RARB: variants seen among roughly 807,000 people sequenced by gnomAD.
RARB encodes HBV-activated protein.
A neutral mutation model predicts 51.9 loss-of-function variants in RARB; 17 were observed. The ratio of observed to expected loss-of-function variants is 0.33; its 90% confidence interval spans 0.22 to 0.49. The LOEUF is 0.49. RARB is among the 20% of genes least tolerant of loss of function. The pLI, the probability that RARB is intolerant of heterozygous loss-of-function variation, is 0.99. For synonymous variants in RARB, 215 were observed against 195.4 expected (o/e 1.10, Z -0.84); for missense variants, 369 against 550.8 (o/e 0.67, Z 3.30).
intron 2 of RARB, among the ~76,000 whole-genome samples, chr3:24,905,320 A>G (rs573702297): frequency 1.4e-4 from 22 of 152,124 alleles, no homozygotes; most frequent in African/African-American, 3.9e-4. Context: ...ATCCAATTCT[A>G]TGTCTTCTTG....
intron 2 of RARB, among the ~76,000 whole-genome samples, chr3:24,876,822 T>C (rs751698898): frequency 1.8e-4 from 27 of 152,182 alleles, no homozygotes; most frequent in Non-Finnish European, 3.5e-4. Flanking sequence ...AAACAGAGTT[T>C]AGATAGTGGC....
At position 25,220,939 on chromosome 3, in the gene RARB, A is replaced by C. The variant is rs73149220; in HGVS notation, c.178+46364A>C. On this transcript the variant is annotated intron_variant, in intron 5 of 11. Transcript: ENST00000383772. ...AAGTCAAGTGAGATGAACAAATAGC[A>C]CTTGCAAAAGTGTAAAGCAATGGAT... Among the ~76,000 whole-genome samples, 1,057 of 152,254 alleles carry C rather than the reference A, an allele frequency of 6.9e-3. 13 individuals carry two copies. The highest frequency in any genetic ancestry group is 0.024 in the African/African-American group (1,005 of 41,528).
intron 2 of RARB, among the ~76,000 whole-genome samples, chr3:25,052,962 C>T (rs1279081290): frequency 6.6e-6 from 1 of 152,026 alleles, no homozygotes; most frequent in Non-Finnish European, 1.5e-5. Context: ...GATTGTCCTT[C>T]CTCTAGGTTA....
intron 5 of RARB, among the ~76,000 whole-genome samples, chr3:25,292,515 T>C (rs756974380): frequency 4.6e-5 from 7 of 152,186 alleles, no homozygotes; most frequent in Non-Finnish European, 1.0e-4. Context: ...CAAACCTTTG[T>C]AGTTTTTGTT....
chr3:25,453,150 T>C (rs1180278586), intron 1 of RARB, among the ~76,000 whole-genome samples: 1 of 151,736 alleles, frequency 6.6e-6, no homozygotes, highest in Non-Finnish European at 1.5e-5. Context: ...TATGTTAGGG[T>C]GTCTCAGACA....
chr3:24,850,266 A>G (rs1559371011), intron 1 of RARB, among the ~76,000 whole-genome samples: 1 of 152,140 alleles, frequency 6.6e-6, no homozygotes, highest in African/African-American at 2.4e-5. Context: ...ACAGTCACCC[A>G]TTTACTCATG....
intron 2 of RARB, among the ~76,000 whole-genome samples, chr3:25,494,192 T>C (rs541073589): frequency 7.8e-5 from 11 of 141,618 alleles, no homozygotes; most frequent in Non-Finnish European, 1.4e-4. Flanking sequence ...GTAAACACTT[T>C]GCATGGCTTT....
At chr3:25,125,643 C>A (rs577719652) in intron 3 of RARB, among the ~76,000 whole-genome samples, 2 of 152,264 alleles carry the variant, frequency 1.3e-5, no homozygotes, top group Non-Finnish European at 2.9e-5. Flanking sequence ...GGGATTAAAT[C>A]TCCATAATCA....
intron 3 of RARB, among the ~76,000 whole-genome samples, chr3:25,097,415 T>C (rs181966295): frequency 1.6e-4 from 25 of 152,336 alleles, no homozygotes; most frequent in Admixed American, 1.6e-3. Context: ...AGTAGTAATA[T>C]AATTTCATCA....
At chr3:25,439,718 T>A (rs1338715452) in intron 1 of RARB, among the ~76,000 whole-genome samples, 1 of 152,206 alleles carries the variant, frequency 6.6e-6, no homozygotes, top group Non-Finnish European at 1.5e-5. Context: ...TTAAATGGAA[T>A]GTATTCTGTA....
chr3:25,238,997 T>C (rs1396683553), intron 5 of RARB, among the ~76,000 whole-genome samples: 1 of 152,128 alleles, frequency 6.6e-6, no homozygotes, highest in Non-Finnish European at 1.5e-5. Flanking sequence ...ACAATAGCCA[T>C]GATAACTGGG....
At chr3:25,100,017 A>G (rs560119963) in intron 3 of RARB, among the ~76,000 whole-genome samples, 5 of 152,184 alleles carry the variant, frequency 3.3e-5, no homozygotes, top group Non-Finnish European at 7.3e-5. Context: ...AAACAAAAGC[A>G]ATATCTGCTT....
At chr3:24,921,432 C>T (rs531266035) in intron 2 of RARB, among the ~76,000 whole-genome samples, 19 of 152,222 alleles carry the variant, frequency 1.2e-4, no homozygotes, top group Admixed American at 1.0e-3. Flanking sequence ...AACTCTGGAG[C>T]ACATTTTTTG....
At chr3:25,104,235 C>G (rs1266640960) in intron 3 of RARB, among the ~76,000 whole-genome samples, 1 of 152,206 alleles carries the variant, frequency 6.6e-6, no homozygotes. Flanking sequence ...CAAGTTTTCA[C>G]AAGGCTGTGG....
intron 4 of RARB, among the ~76,000 whole-genome samples, chr3:25,146,340 A>G (rs1373318041): frequency 2.6e-5 from 4 of 152,186 alleles, no homozygotes; most frequent in African/African-American, 4.8e-5. Context: ...ACCACATATC[A>G]TCTTGGCCAC....
Position 24,953,190 on chromosome 3 carries a change from C to A in RARB, c.-380+94438C>A, listed in dbSNP as rs149373927. ...TTGAATGTGAAGTGGTATTATGCAT[C>A]TCTTTCATTTAAATAACCTAAAATG... On this transcript the variant is annotated intron_variant, in intron 2 of 11. Coordinates refer to the RARB transcript ENST00000383772. 3.4e-4 allele frequency among the ~76,000 whole-genome samples: 51 copies of A among 152,188 alleles called. No homozygotes were observed. In the East Asian group the frequency reaches 9.9e-3, roughly 29 times the overall value.
intron 5 of RARB, among the ~76,000 whole-genome samples, chr3:25,408,270 T>C (rs936644518): frequency 6.6e-6 from 1 of 152,150 alleles, no homozygotes; most frequent in African/African-American, 2.4e-5. Flanking sequence ...GGGTAATTTA[T>C]ACAGAAAAGA....
At chr3:24,847,857 C>G (rs540199892) in intron 1 of RARB, among the ~76,000 whole-genome samples, 82 of 152,312 alleles carry the variant, frequency 5.4e-4, no homozygotes, top group African/African-American at 1.9e-3. Context: ...GTGGACCATA[C>G]TTTGAGTAGC....
intron 2 of RARB, among the ~76,000 whole-genome samples, chr3:24,868,495 G>C (rs751470700): frequency 2.0e-5 from 3 of 152,014 alleles, no homozygotes; most frequent in Admixed American, 6.6e-5. Flanking sequence ...AAATGTTAAG[G>C]CTCCTTAACC....
Sources: gnomAD v4.1 joint callset for allele counts (sites outside exome capture counted in the v4.1 genomes callset) on GRCh38, gnomAD v4.1.1 for gene constraint, MANE v1.5 for transcripts, NCBI Gene and HGNC (gene_info 2026-07-23, HGNC 2026-07-21) for gene names.